The following CNTNAP2 variants were observed in gnomAD, a reference collection of about 807,000 sequenced individuals.
The protein encoded by CNTNAP2 is contactin associated protein 2.
CNTNAP2 carries 98 observed loss-of-function variants against 155.2 expected under a neutral mutation model. The observed-to-expected ratio is 0.63, with a 90% CI of 0.54 to 0.75. CNTNAP2 has a LOEUF of 0.75. CNTNAP2 is among the 30% of genes least tolerant of loss of function. The pLI, the probability that CNTNAP2 is intolerant of heterozygous loss-of-function variation, is 0.00. For missense variants in CNTNAP2, 1,727 were observed against 1,688.1 expected (o/e 1.02, Z -0.40); for synonymous variants, 651 against 631.2 (o/e 1.03, Z -0.47).
chr7:147,691,123 C>CATTAATTCAATTGGATTAATTTGATTA (rs1563054409), intron 13 of CNTNAP2, among the ~76,000 whole-genome samples: 8 of 152,018 alleles, frequency 5.3e-5, no homozygotes, highest in African/African-American at 1.4e-4. Flanking sequence ...TCATAGATCA[C>CATTAATTCAATTGGATTAATTTGATTA]ATTAATTCAA....
At chr7:147,064,641 T>C (rs1198748469) in intron 4 of CNTNAP2, among the ~76,000 whole-genome samples, 3 of 152,298 alleles carry the variant, frequency 2.0e-5, no homozygotes, top group South Asian at 2.1e-4. Context: ...AGTGTATTTT[T>C]CTGTAAGTAG....
intron 11 of CNTNAP2, among the ~76,000 whole-genome samples, chr7:147,522,534 T>C (rs903757050): frequency 2.0e-5 from 3 of 151,764 alleles, no homozygotes; most frequent in African/African-American, 4.8e-5. Context: ...AGCCTATAAA[T>C]TAAAAAAAAA....
At chr7:147,568,512 A>C (rs186283355) in intron 12 of CNTNAP2, among the ~76,000 whole-genome samples, 108 of 152,316 alleles carry the variant, frequency 7.1e-4, no homozygotes, top group African/African-American at 2.6e-3. Context: ...TTGTAGAAAA[A>C]TTTATCATCC....
intron 1 of CNTNAP2, among the ~76,000 whole-genome samples, chr7:146,362,766 C>CTTTTTTTT (rs773124124): frequency 3.1e-5 from 3 of 96,450 alleles, no homozygotes; most frequent in Non-Finnish European, 5.8e-5. Context: ...TCACACAGCA[C>CTTTTTTTT]TTTTTTTTTT....
At chr7:146,712,522 G>A (rs1801115133) in intron 1 of CNTNAP2, among the ~76,000 whole-genome samples, 1 of 150,300 alleles carries the variant, frequency 6.7e-6, no homozygotes, top group Non-Finnish European at 1.5e-5. Flanking sequence ...AGTGAAAACA[G>A]TTGAAAGGCC....
intron 8 of CNTNAP2, among the ~76,000 whole-genome samples, chr7:147,232,931 A>T (rs1340220464): frequency 6.6e-6 from 1 of 152,238 alleles, no homozygotes; most frequent in Non-Finnish European, 1.5e-5. Context: ...CAATCATAAC[A>T]TTAAAATTTC....
intron 1 of CNTNAP2, among the ~76,000 whole-genome samples, chr7:146,440,591 T>A (rs190931239): frequency 7.3e-5 from 11 of 151,602 alleles, no homozygotes; most frequent in African/African-American, 2.4e-4. Context: ...TCTTCATTTT[T>A]AAAAAAATCA....
At chr7:147,812,223 G>T (rs745504113) in intron 13 of CNTNAP2, among the ~76,000 whole-genome samples, 1 of 152,138 alleles carries the variant, frequency 6.6e-6, no homozygotes, top group South Asian at 2.1e-4. Context: ...GATGTTCCAG[G>T]AAGAGGAAGG....
At chr7:146,937,661 G>A (rs553448394) in intron 3 of CNTNAP2, among the ~76,000 whole-genome samples, 2 of 152,210 alleles carry the variant, frequency 1.3e-5, no homozygotes, top group South Asian at 4.2e-4. Context: ...ACTTCCATTG[G>A]CTCTTGCTCT....
intron 23 of CNTNAP2, among the ~76,000 whole-genome samples, chr7:148,414,355 C>T (rs1799929010): frequency 6.6e-6 from 1 of 152,172 alleles, no homozygotes; most frequent in South Asian, 2.1e-4. Context: ...GCTGGGATTA[C>T]AGGCGCGAGC....
chr7:147,800,965 C>T (rs1020322483), intron 13 of CNTNAP2, among the ~76,000 whole-genome samples: 2 of 152,186 alleles, frequency 1.3e-5, no homozygotes, highest in Non-Finnish European at 2.9e-5. Flanking sequence ...AGTAGGCTAT[C>T]CCATCTAGGT....
chr7:146,745,724 C>T (rs1033987687), intron 1 of CNTNAP2, among the ~76,000 whole-genome samples: 1 of 150,244 alleles, frequency 6.7e-6, no homozygotes, highest in African/African-American at 2.5e-5. Flanking sequence ...TGAGATTGTG[C>T]CACTGTACTC....
chr7:146,171,441 A>C (rs59387511), intron 1 of CNTNAP2, among the ~76,000 whole-genome samples: 3 of 152,216 alleles, frequency 2.0e-5, no homozygotes, highest in South Asian at 2.1e-4. Flanking sequence ...TTTAAAAAAA[A>C]CCAGCAAAAT....
intron 11 of CNTNAP2, among the ~76,000 whole-genome samples, chr7:147,505,422 G>A (rs547667848): frequency 6.6e-6 from 1 of 152,134 alleles, no homozygotes; most frequent in Non-Finnish European, 1.5e-5. Context: ...ATATCCAGCA[G>A]CGACATGCAA....
rs547906203 is a variant in CNTNAP2, at chr7:146,470,085, C to A, written c.98-304186C>A. Among the ~76,000 whole-genome samples the A allele has an allele frequency of 5.9e-5, 9 of 152,056 alleles. No individual in the cohort carries two copies. In the South Asian group the frequency reaches 1.9e-3, roughly 32 times the overall value. ...CGATCTCCTGACCTCGTGATCTGCC[C>A]GTCTCGGCCTCCCAAAGTGCTGGGA... On this transcript the variant is annotated intron_variant, in intron 1 of 23. Transcript: ENST00000361727.
chr7:146,465,824 T>C (rs1796709557), intron 1 of CNTNAP2, among the ~76,000 whole-genome samples: 1 of 152,200 alleles, frequency 6.6e-6, no homozygotes, highest in Non-Finnish European at 1.5e-5. Flanking sequence ...TATATGATTC[T>C]TTGGCTAAGA....
chr7:147,002,902 T>A (rs1584776951), intron 3 of CNTNAP2, among the ~76,000 whole-genome samples: 1 of 122,406 alleles, frequency 8.2e-6, no homozygotes, highest in East Asian at 2.3e-4. Flanking sequence ...AAATAAATTT[T>A]GGGGGACACA....
At chr7:148,332,031 G>A (rs1439002510) in intron 21 of CNTNAP2, among the ~76,000 whole-genome samples, 2 of 152,118 alleles carry the variant, frequency 1.3e-5, no homozygotes, top group Non-Finnish European at 2.9e-5. Context: ...AGCATTGGAT[G>A]GTGGTTCATG....
intron 13 of CNTNAP2, among the ~76,000 whole-genome samples, chr7:147,832,823 ATATT>A (rs200135292): frequency 0.02 from 2,330 of 118,816 alleles, 72 homozygotes; most frequent in East Asian, 0.15. Flanking sequence ...ATAGTTATAT[ATATT>A]TATTCTATAA....
Sources: allele counts gnomAD v4.1 joint callset (sites outside exome capture counted in the v4.1 genomes callset), GRCh38; gene constraint gnomAD v4.1.1; transcripts MANE v1.5; gene names NCBI Gene and HGNC (gene_info 2026-07-23, HGNC 2026-07-21).